The following FAAH2 variants were observed in gnomAD, a reference collection of about 807,000 sequenced individuals.
FAAH2 encodes the protein fatty acid amide hydrolase 2, also known as fatty-acid amide hydrolase 2.
Under a neutral mutation model 36.9 loss-of-function variants are expected in FAAH2, and 60 were observed. The ratio of observed to expected loss-of-function variants is 1.63; its 90% confidence interval spans 1.32 to 2.02. The LOEUF (loss-of-function observed/expected upper bound fraction) is 2.02, where lower values mean the gene tolerates loss of function less well. Among genes scored for constraint, FAAH2 ranks in the 30% most tolerant of loss-of-function variants. FAAH2 has a pLI of 0.00. For synonymous variants in FAAH2, 214 were observed against 143.8 expected (o/e 1.49, Z -3.49); for missense variants, 689 against 397.5 (o/e 1.73, Z -6.23).
chrX:57,319,836 G>C (rs756404245), intron 3 of FAAH2, among the ~76,000 whole-genome samples: 21 of 111,542 alleles, frequency 1.9e-4, no homozygotes, highest in Admixed American at 1.3e-3. Context: ...TAGACCAATG[G>C]AACAGAACAG....
At chrX:57,372,738 A>G (rs1210987454) in intron 5 of FAAH2, among the ~76,000 whole-genome samples, 1 of 110,551 alleles carries the variant, frequency 9.0e-6, no homozygotes, top group Non-Finnish European at 1.9e-5. Flanking sequence ...ATTTTTTATT[A>G]CAATAGGTTT....
the FAAH2 span, among the ~76,000 whole-genome samples, chrX:57,200,037 C>G: frequency 9.0e-6 from 1 of 111,271 alleles, no homozygotes; most frequent in Non-Finnish European, 1.9e-5. Flanking sequence ...TTTGTTATCC[C>G]TTCAGCTAAT....
rs142207153 is a variant in FAAH2, at chrX:57,305,214, C to G, written c.276-5379C>G. ...AGACCTTTCCTCTGAGCTCAATTCC[C>G]ATATATGTATATCTACCTACTTGAC... On this transcript the variant is annotated intron_variant, in intron 2 of 10. Transcript: ENST00000374900. Among the ~76,000 whole-genome samples the G allele has an allele frequency of 4.7e-3, 522 of 110,645 alleles. 3 individuals are homozygous for G. The highest frequency in any genetic ancestry group is 0.016 in the African/African-American group (492 of 30,428).
intron 3 of FAAH2, among the ~76,000 whole-genome samples, chrX:57,330,296 C>T (rs185445215): frequency 4.5e-5 from 5 of 111,355 alleles, no homozygotes; most frequent in East Asian, 2.8e-4. Flanking sequence ...AAAATGGCCC[C>T]GTTGGGTGTG....
chrX:57,279,294 C>T, the FAAH2 span, among the ~76,000 whole-genome samples: 2 of 112,370 alleles, frequency 1.8e-5, no homozygotes, highest in Admixed American at 9.4e-5. Flanking sequence ...GAGTTCATGT[C>T]CTTTGCAGGG....
chrX:57,158,729 A>G, the FAAH2 span, among the ~76,000 whole-genome samples: 1 of 111,928 alleles, frequency 8.9e-6, no homozygotes, highest in Non-Finnish European at 1.9e-5. Flanking sequence ...AGTTCATTGT[A>G]GATTCTGGAT....
chrX:57,398,987 A>G (rs749219761), intron 7 of FAAH2, among the ~76,000 whole-genome samples: 2 of 111,168 alleles, frequency 1.8e-5, no homozygotes, highest in Non-Finnish European at 3.8e-5. Context: ...GCATCATGCC[A>G]TTGAGATTTT....
At chrX:57,211,129 T>C in the FAAH2 span, among the ~76,000 whole-genome samples, 3 of 111,913 alleles carry the variant, frequency 2.7e-5, no homozygotes, top group Non-Finnish European at 3.8e-5. Context: ...ACCATGCTGA[T>C]AGATTGGAAG....
the FAAH2 span, among the ~76,000 whole-genome samples, chrX:57,178,467 A>G: frequency 1.1e-3 from 117 of 111,342 alleles, no homozygotes; most frequent in African/African-American, 3.3e-3. Flanking sequence ...TGTTACCCAG[A>G]AGAGGTACTC....
At chrX:57,446,467 A>G (rs1037204406) in intron 8 of FAAH2, among the ~76,000 whole-genome samples, 1 of 111,901 alleles carries the variant, frequency 8.9e-6, no homozygotes. Context: ...TTTAATGTAT[A>G]CAATGTAATG....
chrX:57,145,319 G>C, the FAAH2 span, among the ~76,000 whole-genome samples: 1 of 110,802 alleles, frequency 9.0e-6, no homozygotes, highest in Non-Finnish European at 1.9e-5. Context: ...TGGTGATGTT[G>C]ATCATTTTTT....
chrX:57,401,369 G>A (rs978982610), intron 7 of FAAH2, among the ~76,000 whole-genome samples: 1 of 111,203 alleles, frequency 9.0e-6, no homozygotes, highest in African/African-American at 3.3e-5. Context: ...AGGCAAACAA[G>A]AATTGAGAGT....
At chrX:57,196,763 TA>T in the FAAH2 span, among the ~76,000 whole-genome samples, 31 of 111,559 alleles carry the variant, frequency 2.8e-4, no homozygotes, top group African/African-American at 6.5e-4. Context: ...CTTTAATCAT[TA>T]AAAAAATTTG....
chrX:57,322,450 G>C (rs1284549225), intron 3 of FAAH2, among the ~76,000 whole-genome samples: 1 of 111,114 alleles, frequency 9.0e-6, no homozygotes, highest in East Asian at 2.8e-4. Flanking sequence ...CATTTCAACT[G>C]AAGAGAATTT....
intron 8 of FAAH2, among the ~76,000 whole-genome samples, chrX:57,439,207 C>G (rs996855055): frequency 9.2e-6 from 1 of 109,154 alleles, no homozygotes; most frequent in African/African-American, 3.4e-5. Flanking sequence ...AACTAGTTTA[C>G]GGTCCCACCA....
At chrX:57,279,063 G>T in the FAAH2 span, among the ~76,000 whole-genome samples, 1 of 112,159 alleles carries the variant, frequency 8.9e-6, no homozygotes, top group Non-Finnish European at 1.9e-5. Context: ...GAAGGATCTA[G>T]AACTAGAATT....
the FAAH2 span, among the ~76,000 whole-genome samples, chrX:57,276,081 C>T: frequency 5.4e-5 from 6 of 111,934 alleles, no homozygotes; most frequent in Non-Finnish European, 9.4e-5. Context: ...ACCTAATAGA[C>T]ATCTACAGAA....
chrX:57,235,875 C>T, the FAAH2 span, among the ~76,000 whole-genome samples: 7 of 78,121 alleles, frequency 9.0e-5, no homozygotes, highest in Non-Finnish European at 1.3e-4. Context: ...TTTACAGCTG[C>T]CTGAAAATAT....
intron 5 of FAAH2, among the ~76,000 whole-genome samples, chrX:57,353,428 T>C (rs1471579357): frequency 9.6e-6 from 1 of 104,033 alleles, no homozygotes; most frequent in Non-Finnish European, 2.0e-5. Context: ...CTTTATTTTG[T>C]CATATACAAA....
Sources: allele counts gnomAD v4.1 joint callset (sites outside exome capture counted in the v4.1 genomes callset), GRCh38; gene constraint gnomAD v4.1.1; transcripts MANE v1.5; gene names NCBI Gene and HGNC (gene_info 2026-07-23, HGNC 2026-07-21).